WDR72: variants seen among roughly 807,000 people sequenced by gnomAD.
WDR72 encodes the protein WD repeat domain 72, also known as WD repeat-containing protein 72.
In WDR72, 120 loss-of-function variants were observed where a neutral mutation model predicts 124.2. The ratio of observed to expected loss-of-function variants is 0.97; its 90% CI spans 0.83 to 1.12. The LOEUF (loss-of-function observed/expected upper bound fraction) is 1.12, where lower values mean the gene tolerates loss of function less well. Among genes scored for constraint, WDR72 ranks in the 50% most tolerant of loss-of-function variants. The pLI, the probability that WDR72 is intolerant of heterozygous loss-of-function variation, is 0.00. For missense variants in WDR72, 1,387 were observed against 1,278.8 expected (o/e 1.08, Z -1.29); for synonymous variants, 452 against 441.7 (o/e 1.02, Z -0.29).
intron 1 of WDR72, among the ~76,000 whole-genome samples, chr15:53,758,999 A>G (rs756971645): frequency 6.6e-6 from 1 of 151,648 alleles, no homozygotes; most frequent in Admixed American, 6.6e-5. Context: ...CTCTCATCCA[A>G]CCTTACAAGG....
chr15:53,612,576 G>C (rs1412318007), intron 16 of WDR72, among the ~76,000 whole-genome samples: 1 of 152,030 alleles, frequency 6.6e-6, no homozygotes, highest in East Asian at 1.9e-4. Flanking sequence ...GAGTAAAAAG[G>C]CTAGGGTAGC....
At chr15:53,673,827 T>TA (rs2016074767) in intron 13 of WDR72, among the ~76,000 whole-genome samples, 2 of 151,942 alleles carry the variant, frequency 1.3e-5, no homozygotes, top group African/African-American at 2.4e-5. Context: ...CCGTCTCTAC[T>TA]AAAAATACAA....
chr15:53,644,569 T>C (rs1179526880), intron 14 of WDR72, among the ~76,000 whole-genome samples: 2 of 152,056 alleles, frequency 1.3e-5, no homozygotes, highest in African/African-American at 4.8e-5. Flanking sequence ...AGTATGTATC[T>C]TGCAAAGATA....
At chr15:53,627,524 T>C (rs565492844) in intron 14 of WDR72, among the ~76,000 whole-genome samples, 2 of 152,220 alleles carry the variant, frequency 1.3e-5, no homozygotes, top group East Asian at 1.9e-4. Flanking sequence ...ACCAATGCCA[T>C]TGACAAAAAA....
At chr15:53,738,791 G>C (rs907186197) in intron 1 of WDR72, among the ~76,000 whole-genome samples, 1 of 152,112 alleles carries the variant, frequency 6.6e-6, no homozygotes, top group South Asian at 2.1e-4. Flanking sequence ...ATTTTTAGTA[G>C]TGATGGCATT....
Position 53,523,279 on chromosome 15 carries a change from T to A in WDR72, c.3192A>T (p.Ala1064=), listed in dbSNP as rs570004792. Residue 1064 remains alanine, a synonymous_variant, in exon 19 of 20, where the codon GCA becomes GCT. Coordinates refer to ENST00000360509, the MANE Select transcript of WDR72 (RefSeq NM_182758.4). ...GCATGTCCTCCACGTCTTGGAAGTT[T>A]GCCGAGTTTGAGTTGCTGTCATGCT... ...PVKHDSNSNS[A]NFQDVEDMPD... is the part of the protein sequence containing the mutation. 94 of 1,613,196 alleles carry A rather than the reference T, an allele frequency of 5.8e-5. 3 individuals are homozygous for A. In the South Asian group the frequency reaches 1.0e-3, roughly 17 times the overall value.
At chr15:53,540,936 G>C (rs113226752) in intron 18 of WDR72, 13 of 156,800 alleles carry the variant, frequency 8.3e-5, no homozygotes, top group Non-Finnish European at 1.7e-4. Context: ...TTTTCGGACC[G>C]GCTTAAAAAA....
At chr15:53,545,036 T>G (rs921081824) in intron 18 of WDR72, among the ~76,000 whole-genome samples, 3 of 145,304 alleles carry the variant, frequency 2.1e-5, no homozygotes, top group Non-Finnish European at 4.5e-5. Context: ...TGGAAGAACA[T>G]TCCATGCTCA....
Position 53,702,114 on chromosome 15 carries a change from T to C in WDR72, c.1569+20A>G. On this transcript the variant is annotated intron_variant, in intron 12 of 19. Transcript: ENST00000360509. ...ATATAATTTTCAAATTTAGATGTTA[T>C]ATTTTACTCTTCGTCTTACTTTAAA... The C allele has an allele frequency of 6.3e-7, 1 of 1,577,478 alleles. No individual in the cohort carries two copies. The highest frequency in any genetic ancestry group is 1.1e-5 in the South Asian group (1 of 88,018).
chr15:53,549,186 G>A (rs1893619828), intron 18 of WDR72, among the ~76,000 whole-genome samples: 1 of 152,214 alleles, frequency 6.6e-6, no homozygotes, highest in South Asian at 2.1e-4. Context: ...AACAATAAAA[G>A]ATAGGCATGG....
chr15:53,583,417 A>G (rs2012034890), intron 18 of WDR72, among the ~76,000 whole-genome samples: 1 of 146,246 alleles, frequency 6.8e-6, no homozygotes, highest in African/African-American at 2.4e-5. Context: ...TACATTCTGA[A>G]TAAACTTTAG....
At chr15:53,704,729 T>G (rs1382777365) in intron 11 of WDR72, among the ~76,000 whole-genome samples, 1 of 146,252 alleles carries the variant, frequency 6.8e-6, no homozygotes, top group African/African-American at 2.5e-5. Context: ...AAATGGGGTT[T>G]CACCGTGTTA....
intron 1 of WDR72, among the ~76,000 whole-genome samples, chr15:53,754,008 C>A (rs935007185): frequency 1.3e-5 from 2 of 152,124 alleles, no homozygotes; most frequent in African/African-American, 4.8e-5. Flanking sequence ...ATGACATCAT[C>A]ATCTGTTTAC....
At position 53,702,237 on chromosome 15, in the gene WDR72, G is replaced by C; in HGVS notation, c.1466C>G (p.Ser489Ter). Reference protein sequence around the residue: ...QSWMLSGDLDSCVILWDIFTE... With the variant: ...QSWMLSGDLD ...AAAGATATCCCACAAGATCACACATGAGTCCAGGTCCCCAGACAACATCCA... is the reference window on the plus strand; with the variant it reads ...AAAGATATCCCACAAGATCACACATCAGTCCAGGTCCCCAGACAACATCCA... Residue 489 changes from serine to a stop codon, truncating the protein, a stop_gained, in exon 12 of 20, where the codon TCA becomes TGA. Coordinates refer to ENST00000360509, the MANE Select transcript of WDR72 (RefSeq NM_182758.4). LOFTEE classifies it high-confidence loss of function. 1 of 1,614,102 alleles carries C rather than the reference G, an allele frequency of 6.2e-7. No individual in the cohort carries two copies. Among genetic ancestry groups the C allele is most frequent in the Non-Finnish European group, 8.5e-7 (1 of 1,180,022 alleles).
intron 14 of WDR72, among the ~76,000 whole-genome samples, chr15:53,655,624 C>A (rs776866811): frequency 6.6e-6 from 1 of 152,052 alleles, no homozygotes; most frequent in African/African-American, 2.4e-5. Context: ...ATGGAGAAGG[C>A]CACGTTTTAT....
intron 14 of WDR72, among the ~76,000 whole-genome samples, chr15:53,623,444 G>T (rs1235826858): frequency 6.6e-6 from 1 of 151,706 alleles, no homozygotes; most frequent in African/African-American, 2.4e-5. Flanking sequence ...CTAAGAACAT[G>T]ATTTCATTCT....
chr15:53,710,344 T>C (rs1302702627), intron 9 of WDR72, among the ~76,000 whole-genome samples: 1 of 150,822 alleles, frequency 6.6e-6, no homozygotes, highest in Non-Finnish European at 1.5e-5. Flanking sequence ...TGTGTATGTG[T>C]TTGTACGTAT....
intron 18 of WDR72, among the ~76,000 whole-genome samples, chr15:53,544,020 T>C (rs1893313336): frequency 6.6e-6 from 1 of 150,526 alleles, no homozygotes; most frequent in African/African-American, 2.4e-5. Context: ...CAATAATCAA[T>C]AGTTTACCAA....
intron 14 of WDR72, among the ~76,000 whole-genome samples, chr15:53,645,278 G>A (rs1193774784): frequency 6.6e-6 from 1 of 152,082 alleles, no homozygotes; most frequent in East Asian, 1.9e-4. Context: ...ACATTATAAA[G>A]CTTAGAATAT....
Sources: allele counts gnomAD v4.1 joint callset (sites outside exome capture counted in the v4.1 genomes callset), GRCh38; gene constraint gnomAD v4.1.1; transcripts MANE v1.5; gene names NCBI Gene and HGNC (gene_info 2026-07-23, HGNC 2026-07-21).